The following LRFN5 variants were observed in gnomAD, a reference collection of about 807,000 sequenced individuals.
LRFN5 encodes the protein leucine-rich repeat and fibronectin type-III domain-containing protein 5.
In LRFN5, 24 loss-of-function variants were observed where a neutral mutation model predicts 45.6. The observed-to-expected ratio is 0.53, with a 90% CI of 0.38 to 0.74. The LOEUF (loss-of-function observed/expected upper bound fraction) is 0.74, where lower values mean the gene tolerates loss of function less well. Among genes scored for constraint, LRFN5 ranks in the 30% least tolerant of loss-of-function variants. The pLI, the probability that LRFN5 is intolerant of heterozygous loss-of-function variation, is 0.00. For synonymous variants in LRFN5, 340 were observed against 313.8 expected, an observed-to-expected ratio of 1.08 and a Z score of -0.88; for missense variants, 776 against 861.5, an observed-to-expected ratio of 0.90 and a Z score of 1.24.
chr14:41,702,898 C>T (rs1882896119), intron 1 of LRFN5, among the ~76,000 whole-genome samples: 1 of 152,082 alleles, frequency 6.6e-6, no homozygotes, highest in Non-Finnish European at 1.5e-5. Context: ...TGAAGCAGTA[C>T]TGAACTCCCT....
At chr14:41,759,899 G>T (rs1021449031) in intron 1 of LRFN5, among the ~76,000 whole-genome samples, 2 of 152,160 alleles carry the variant, frequency 1.3e-5, no homozygotes, top group African/African-American at 2.4e-5. Flanking sequence ...ACGTAAGTCC[G>T]CCCTAAGGCA....
At chr14:41,852,173 G>C (rs1006326430) in intron 2 of LRFN5, among the ~76,000 whole-genome samples, 4 of 151,710 alleles carry the variant, frequency 2.6e-5, no homozygotes, top group African/African-American at 9.7e-5. Flanking sequence ...GAAAAAAGTT[G>C]TTAATGCAAT....
At chr14:41,686,805 G>A (rs1307601822) in intron 1 of LRFN5, among the ~76,000 whole-genome samples, 2 of 152,172 alleles carry the variant, frequency 1.3e-5, no homozygotes, top group African/African-American at 4.8e-5. Flanking sequence ...TCCCAGGGAT[G>A]AAGCTGACTT....
intron 2 of LRFN5, among the ~76,000 whole-genome samples, chr14:41,776,983 C>G: frequency 6.6e-6 from 1 of 151,880 alleles, no homozygotes; most frequent in East Asian, 1.9e-4. Context: ...AATTGGAATT[C>G]TAGCACTGCC....
At chr14:41,649,662 C>G (rs1297317133) in intron 1 of LRFN5, among the ~76,000 whole-genome samples, 2 of 152,124 alleles carry the variant, frequency 1.3e-5, no homozygotes, top group Non-Finnish European at 2.9e-5. Flanking sequence ...GGTTCCTCAT[C>G]CTCCACATCC....
intron 2 of LRFN5, among the ~76,000 whole-genome samples, chr14:41,850,232 C>G (rs1005295096): frequency 6.6e-6 from 1 of 151,820 alleles, no homozygotes; most frequent in Non-Finnish European, 1.5e-5. Flanking sequence ...AATGCAAGTA[C>G]TTACATGATA....
chr14:41,893,712 A>G, intron 4 of LRFN5: 4 of 985,330 alleles, frequency 4.1e-6, no homozygotes, highest in Non-Finnish European at 4.8e-6. Flanking sequence ...AATAGTATGT[A>G]AGATTAAAGT....
At chr14:41,681,820 A>T (rs1411304999) in intron 1 of LRFN5, among the ~76,000 whole-genome samples, 9 of 93,818 alleles carry the variant, frequency 9.6e-5, no homozygotes, top group African/African-American at 1.3e-4. Context: ...TTATTTATTT[A>T]TTTATTTTTT....
In LRFN5 at chr14:41,740,466, C is replaced by T. The variant is rs1884643358; in HGVS notation, c.-196-26388C>T. On this transcript the variant is annotated intron_variant, in intron 1 of 5. Transcript: ENST00000298119. ...TATGATACAGAAAAAAACATTTTCT[C>T]AATAGATACAGAAAAAACATTTGAC... Among the ~76,000 whole-genome samples the T allele has an allele frequency of 3.3e-5, 5 of 151,888 alleles. No homozygotes were observed. In the South Asian group the frequency reaches 1.0e-3, roughly 32 times the overall value.
intron 4 of LRFN5, chr14:41,892,770 G>T: frequency 2.0e-6 from 2 of 985,310 alleles, no homozygotes; most frequent in Non-Finnish European, 2.4e-6. Context: ...GTGGAAAGAA[G>T]AAAGTGCAAT....
rs914273313 is a variant in LRFN5 at position 41,648,422 on chromosome 14, G to T, written c.-197+39860G>T. The stretch of plus-strand genomic sequence containing the variant: ...ATTCAATAGTTTGCTTTAAATAATT[G>T]GCAGTAATCTTAGTCTAGGCAACCA... On this transcript the variant is annotated intron_variant, in intron 1 of 5. Coordinates refer to ENST00000298119, the MANE Select transcript of LRFN5 (RefSeq NM_152447.5). Among the ~76,000 whole-genome samples, 10 of 152,008 alleles carry T rather than the reference G, an allele frequency of 6.6e-5. No individual in the cohort carries two copies. In the East Asian group the frequency reaches 7.7e-4, roughly 12 times the overall value.
chr14:41,723,188 A>G (rs778064325), intron 1 of LRFN5, among the ~76,000 whole-genome samples: 8 of 152,204 alleles, frequency 5.3e-5, no homozygotes, highest in Non-Finnish European at 1.0e-4. Context: ...GATACTCCTA[A>G]TGCCTGGAAA....
At chr14:41,900,751 A>G (rs1197606697) in intron 5 of LRFN5, among the ~76,000 whole-genome samples, 1 of 152,138 alleles carries the variant, frequency 6.6e-6, no homozygotes, top group Non-Finnish European at 1.5e-5. Context: ...GATTCTCGGT[A>G]AATGATTTGT....
chr14:41,673,174 T>C (rs936668596), intron 1 of LRFN5, among the ~76,000 whole-genome samples: 7 of 152,146 alleles, frequency 4.6e-5, no homozygotes, highest in Non-Finnish European at 7.4e-5. Context: ...CTTTCCCCTC[T>C]TTCTATTCCA....
chr14:41,699,053 A>T (rs1483254902), intron 1 of LRFN5, among the ~76,000 whole-genome samples: 3 of 152,106 alleles, frequency 2.0e-5, no homozygotes, highest in Admixed American at 6.6e-5. Flanking sequence ...TTGAGAAAAG[A>T]CAAAACAGGC....
chr14:41,610,668 A>AAAAAACAAAC (rs1887717074), intron 1 of LRFN5, among the ~76,000 whole-genome samples: 4 of 134,452 alleles, frequency 3.0e-5, no homozygotes, highest in Non-Finnish European at 6.2e-5. Context: ...AGGTAAAAAA[A>AAAAAACAAAC]AAAAAAAAAA....
At chr14:41,737,252 A>C (rs1884480432) in intron 1 of LRFN5, among the ~76,000 whole-genome samples, 1 of 152,218 alleles carries the variant, frequency 6.6e-6, no homozygotes, top group Non-Finnish European at 1.5e-5. Context: ...GGCAAAAAAC[A>C]CATGATTATC....
At chr14:41,904,036 C>G (rs1014446620) in intron 5 of LRFN5, 122 bp from the exon 6 acceptor site, 1 of 753,450 alleles carries the variant, frequency 1.3e-6, no homozygotes, top group Non-Finnish European at 2.1e-6. Context: ...GCAAGCAACT[C>G]CTCCTTGGGT....
intron 1 of LRFN5, among the ~76,000 whole-genome samples, chr14:41,622,660 G>A (rs1368716833): frequency 6.6e-6 from 1 of 151,954 alleles, no homozygotes; most frequent in African/African-American, 2.4e-5. Flanking sequence ...ATAAAATATA[G>A]TAAAATTATA....
Sources: allele counts gnomAD v4.1 joint callset (sites outside exome capture counted in the v4.1 genomes callset), GRCh38; gene constraint gnomAD v4.1.1; transcripts MANE v1.5; gene names NCBI Gene and HGNC (gene_info 2026-07-23, HGNC 2026-07-21).